The following GABRB1 variants were observed in gnomAD, a reference collection of about 807,000 sequenced individuals.
GABRB1 encodes gamma-aminobutyric acid type A receptor subunit beta1, also known as gamma-aminobutyric acid receptor subunit beta-1.
A neutral mutation model predicts 51.6 loss-of-function variants in GABRB1; 17 were observed. That is an observed-to-expected ratio of 0.33 (90% confidence interval 0.23 to 0.49). The LOEUF is 0.49. GABRB1 is among the 20% of genes least tolerant of loss of function. GABRB1 has a pLI of 0.99. For synonymous variants in GABRB1, 247 were observed against 218.9 expected (o/e 1.13, Z -1.14); for missense variants, 410 against 600.6 (o/e 0.68, Z 3.32).
chr4:47,293,001 C>T (rs1334737377), intron 4 of GABRB1, among the ~76,000 whole-genome samples: 1 of 152,198 alleles, frequency 6.6e-6, no homozygotes, highest in Non-Finnish European at 1.5e-5. Context: ...ATAGCACAAA[C>T]ACTCTGCAAT....
chr4:47,152,810 A>G (rs1161240718), intron 3 of GABRB1, among the ~76,000 whole-genome samples: 2 of 151,928 alleles, frequency 1.3e-5, no homozygotes, highest in Admixed American at 1.3e-4. Flanking sequence ...CTAACCTCCC[A>G]TATTAAAAGG....
intron 3 of GABRB1, among the ~76,000 whole-genome samples, chr4:47,147,123 C>T (rs1384169032): frequency 6.6e-6 from 1 of 151,874 alleles, no homozygotes; most frequent in Non-Finnish European, 1.5e-5. Context: ...GTAAGTCTTA[C>T]TCATCATTTA....
chr4:47,067,399 C>T (rs1727132817), intron 3 of GABRB1, among the ~76,000 whole-genome samples: 1 of 152,212 alleles, frequency 6.6e-6, no homozygotes, highest in South Asian at 2.1e-4. Context: ...GACATATCCT[C>T]TCTAGCTATG....
At chr4:47,383,459 G>A (rs1727663303) in intron 5 of GABRB1, among the ~76,000 whole-genome samples, 1 of 151,916 alleles carries the variant, frequency 6.6e-6, no homozygotes, top group Admixed American at 6.6e-5. Context: ...GAGTGAATAA[G>A]GGATATGAGA....
intron 3 of GABRB1, among the ~76,000 whole-genome samples, chr4:47,125,649 G>A (rs1273749796): frequency 9.2e-5 from 12 of 130,866 alleles, no homozygotes; most frequent in Non-Finnish European, 1.7e-4. Flanking sequence ...TCCGCCTCCT[G>A]GGTTCACGCC....
chr4:47,222,791 T>C (rs1314987155), intron 4 of GABRB1, among the ~76,000 whole-genome samples: 1 of 152,144 alleles, frequency 6.6e-6, no homozygotes, highest in African/African-American at 2.4e-5. Context: ...ATAAATACTT[T>C]ATATACAACC....
At chr4:47,262,542 C>A (rs1443679972) in intron 4 of GABRB1, among the ~76,000 whole-genome samples, 1 of 152,122 alleles carries the variant, frequency 6.6e-6, no homozygotes, top group Non-Finnish European at 1.5e-5. Flanking sequence ...AGTCAGGAAA[C>A]AACAGGTGCT....
At chr4:47,142,127 G>A (rs1488993175) in intron 3 of GABRB1, among the ~76,000 whole-genome samples, 3 of 151,816 alleles carry the variant, frequency 2.0e-5, no homozygotes, top group Non-Finnish European at 4.4e-5. Context: ...AAGGTAAGCC[G>A]AGGGTGCTCT....
Position 47,140,404 on chromosome 4 carries a change from T to C in GABRB1, c.241-20845T>C, listed in dbSNP as rs535015475. Among the ~76,000 whole-genome samples, 5 of 151,994 alleles carry C rather than the reference T, an allele frequency of 3.3e-5. No individual in the cohort carries two copies. In the South Asian group the frequency reaches 1.0e-3, roughly 32 times the overall value. On this transcript the variant is annotated intron_variant, in intron 3 of 8. Coordinates refer to ENST00000295454, the MANE Select transcript of GABRB1 (RefSeq NM_000812.4). Reference sequence around the variant, plus strand: ...GTACAGATATGAAATTTATAATAGCTAGAGAAAAGAATATGAATGGCATCC... The same window carrying C: ...GTACAGATATGAAATTTATAATAGCCAGAGAAAAGAATATGAATGGCATCC...
intron 3 of GABRB1, among the ~76,000 whole-genome samples, chr4:47,149,537 A>G (rs959141275): frequency 6.6e-6 from 1 of 152,004 alleles, no homozygotes; most frequent in African/African-American, 2.4e-5. Context: ...CCAATTCCTA[A>G]TGCCACATGT....
At chr4:47,049,257 T>C (rs1726238363) in intron 3 of GABRB1, among the ~76,000 whole-genome samples, 2 of 152,130 alleles carry the variant, frequency 1.3e-5, no homozygotes, top group Admixed American at 1.3e-4. Flanking sequence ...CAAAATCATT[T>C]GTTACTTTTT....
chr4:47,007,757 G>A (rs1474935596), intron 1 of GABRB1, among the ~76,000 whole-genome samples: 2 of 151,706 alleles, frequency 1.3e-5, no homozygotes, highest in Non-Finnish European at 2.9e-5. Flanking sequence ...AAAAGCTGGG[G>A]CAAGAGGCCG....
At chr4:47,172,137 C>T (rs1275161171) in intron 4 of GABRB1, among the ~76,000 whole-genome samples, 1 of 152,156 alleles carries the variant, frequency 6.6e-6, no homozygotes, top group Non-Finnish European at 1.5e-5. Flanking sequence ...GATTACGCAG[C>T]ATCCCATCAT....
At chr4:47,050,977 C>T (rs551864906) in intron 3 of GABRB1, among the ~76,000 whole-genome samples, 1 of 152,088 alleles carries the variant, frequency 6.6e-6, no homozygotes, top group South Asian at 2.1e-4. Flanking sequence ...GGTTCTGGCT[C>T]GGGTTTTGTG....
At chr4:47,250,093 G>A (rs1560297751) in intron 4 of GABRB1, among the ~76,000 whole-genome samples, 1 of 152,070 alleles carries the variant, frequency 6.6e-6, no homozygotes, top group Non-Finnish European at 1.5e-5. Flanking sequence ...GTGTTTCCAG[G>A]ATTTGTTTCA....
intron 4 of GABRB1, among the ~76,000 whole-genome samples, chr4:47,312,150 A>C (rs1003383179): frequency 6.6e-6 from 1 of 152,090 alleles, no homozygotes; most frequent in Admixed American, 6.6e-5. Context: ...TTGCACCGCA[A>C]AAATTTTAAA....
intron 4 of GABRB1, among the ~76,000 whole-genome samples, chr4:47,268,906 T>C (rs926990402): frequency 6.6e-6 from 1 of 152,132 alleles, no homozygotes; most frequent in Non-Finnish European, 1.5e-5. Flanking sequence ...AACAAAGCAT[T>C]TATACAAAAA....
intron 3 of GABRB1, among the ~76,000 whole-genome samples, chr4:47,076,392 C>A (rs371467243): frequency 2.6e-5 from 4 of 152,182 alleles, no homozygotes; most frequent in African/African-American, 9.7e-5. Context: ...TCTCTATGTT[C>A]TTTCAAATAC....
At chr4:47,284,884 A>T (rs867014226) in intron 4 of GABRB1, among the ~76,000 whole-genome samples, 20 of 152,266 alleles carry the variant, frequency 1.3e-4, no homozygotes, top group African/African-American at 4.6e-4. Context: ...TTAAAAATGC[A>T]TAACTAAAAA....
Sources: gnomAD v4.1 joint callset for allele counts (sites outside exome capture counted in the v4.1 genomes callset) on GRCh38, gnomAD v4.1.1 for gene constraint, MANE v1.5 for transcripts, NCBI Gene and HGNC (gene_info 2026-07-23, HGNC 2026-07-21) for gene names.